Variants in PIEZO1 observed in about 807,000 individuals in gnomAD.
The protein encoded by PIEZO1 is piezo type mechanosensitive ion channel component 1 (Er blood group), also known as piezo-type mechanosensitive ion channel component 1.
A neutral mutation model predicts 297.2 loss-of-function variants in PIEZO1; 296 were observed. The ratio of observed to expected loss-of-function variants is 1.00; its 90% CI spans 0.91 to 1.10. The LOEUF (loss-of-function observed/expected upper bound fraction) is 1.10. PIEZO1 is among the 50% of genes least tolerant of loss of function. PIEZO1 has a pLI of 0.00. For missense variants in PIEZO1, 5,018 were observed against 3,455.5 expected (o/e 1.45, Z -11.34); for synonymous variants, 2,427 against 1,507.5 (o/e 1.61, Z -14.13).
At chr16:88,726,073 C>T (rs1051085321) in intron 27 of PIEZO1, 2 of 589,876 alleles carry the variant, frequency 3.4e-6, no homozygotes, top group Non-Finnish European at 6.0e-6. Flanking sequence ...AGCACTGCAG[C>T]CTGTGGTCTC....
chr16:88,768,363 T>G (rs1907269718), intron 1 of PIEZO1, among the ~76,000 whole-genome samples: 1 of 152,064 alleles, frequency 6.6e-6, no homozygotes, highest in Non-Finnish European at 1.5e-5. Flanking sequence ...AAGTGGCCAC[T>G]TAAGAGCAGA....
chr16:88,721,853 C>A lies in PIEZO1; in HGVS notation c.5169G>T (p.Pro1723=). ...TCATCCAGAAGCGCTTGCTGGGCCT[C>A]GGGATCGACAGCATGGCCCACAGGA... ...LVFLWAMLSI[P]RPSKRFWMTA... is the part of the protein sequence containing the mutation. The change falls in exon 37 of 51, where the codon CCG becomes CCT. Residue 1723 remains proline (P), a synonymous_variant. Transcript: ENST00000301015. The A allele has an allele frequency of 6.5e-7, 1 of 1,549,552 alleles. No homozygotes were observed. The highest frequency in any genetic ancestry group is 8.7e-7 in the Non-Finnish European group (1 of 1,146,724).
At position 88,778,565 on chromosome 16, in the gene PIEZO1, G is replaced by A. The variant is rs547735640; in HGVS notation, c.64+6336C>T. 1.6e-3 allele frequency among the ~76,000 whole-genome samples: 238 copies of A among 152,256 alleles called. 4 individuals are homozygous for A. Among genetic ancestry groups the A allele is most frequent in the Admixed American group, 0.015 (237 of 15,298 alleles). On this transcript the variant is annotated intron_variant, in intron 1 of 50. Coordinates refer to ENST00000301015, the MANE Select transcript of PIEZO1 (RefSeq NM_001142864.4). ...GGGGAATCGGGTGGCCACGCACGTC[G>A]GCCTAAGGGGCCCTGGCAGCGCCCG... is the stretch of plus-strand genomic sequence containing the variant.
intron 1 of PIEZO1, among the ~76,000 whole-genome samples, chr16:88,765,758 C>G (rs533753260): frequency 1.1e-3 from 160 of 151,438 alleles, no homozygotes; most frequent in African/African-American, 3.7e-3. Context: ...ACTACAACCT[C>G]TACCTCCTGG....
chr16:88,734,116 T>G, intron 16 of PIEZO1, 62 bp from the exon 17 acceptor site: 1 of 1,464,228 alleles, frequency 6.8e-7, no homozygotes, highest in Non-Finnish European at 9.1e-7. Flanking sequence ...TTCCTGGGGC[T>G]GGAAGAAGCC....
intron 12 of PIEZO1, among the ~76,000 whole-genome samples, chr16:88,735,715 G>A (rs981163459): frequency 6.6e-6 from 1 of 152,284 alleles, no homozygotes; most frequent in Non-Finnish European, 1.5e-5. Flanking sequence ...TGGACACGCA[G>A]GCACCCTGTG....
intron 1 of PIEZO1, among the ~76,000 whole-genome samples, chr16:88,781,860 G>A (rs1907953141): frequency 6.6e-6 from 1 of 152,272 alleles, no homozygotes; most frequent in Non-Finnish European, 1.5e-5. Context: ...CATGCTAAAT[G>A]GTGACACTTC....
At chr16:88,726,075 T>G in intron 27 of PIEZO1, 1 of 589,736 alleles carries the variant, frequency 1.7e-6, no homozygotes, top group Non-Finnish European at 3.0e-6. Context: ...CACTGCAGCC[T>G]GTGGTCTCTG....
intron 22 of PIEZO1, among the ~76,000 whole-genome samples, chr16:88,728,016 C>T (rs998334540): frequency 6.6e-6 from 1 of 152,242 alleles, no homozygotes; most frequent in African/African-American, 2.4e-5. Flanking sequence ...GCACGGACGC[C>T]TGCAGCCAGG....
In PIEZO1 at chr16:88,721,661, C is replaced by T. The variant is rs375185233; in HGVS notation, c.5280G>A (p.Leu1760=). The change falls in exon 38 of 51, where the codon CTG becomes CTA. Residue 1760 remains leucine (L), a synonymous_variant. Transcript: ENST00000301015. ...AGTAGGGCTTGTTCTCGTAGCGCCG[C>T]AGCACCACGTGGCTGTTCCAGGGGA... is the stretch of plus-strand genomic sequence containing the variant. The part of the protein sequence containing the change: ...GFFPWNSHVV[L]RRYENKPYFP... 6.5e-7 allele frequency: 1 copy of T among 1,550,002 alleles called. No homozygotes were observed. The highest frequency in any genetic ancestry group is 1.4e-5 in the African/African-American group (1 of 73,034).
At chr16:88,745,901 G>C (rs11642389) in intron 2 of PIEZO1, among the ~76,000 whole-genome samples, 1 of 151,964 alleles carries the variant, frequency 6.6e-6, no homozygotes, top group African/African-American at 2.4e-5. Context: ...CTTGGACCCC[G>C]GCACGGCCTG....
At position 88,742,061 on chromosome 16, in the gene PIEZO1, C is replaced by T. The variant is rs1256646208; in HGVS notation, c.318G>A (p.Gly106=). ...SRWETLSRHI[G]VTRLDLKDIP... ...GGGAGGAATGGTCTTACCTTGTGACCCCTATGTGTCGCGAGAGGGTCTCCC... is the reference window on the plus strand; with the variant it reads ...GGGAGGAATGGTCTTACCTTGTGACTCCTATGTGTCGCGAGAGGGTCTCCC... The change falls in exon 4 of 51, where the codon GGG becomes GGA. Residue 106 remains glycine, a synonymous_variant. Transcript: ENST00000301015. 1 of 1,536,080 alleles carries T rather than the reference C, an allele frequency of 6.5e-7. No individual in the cohort carries two copies. Among genetic ancestry groups the T allele is most frequent in the Non-Finnish European group, 8.7e-7 (1 of 1,146,762 alleles).
At chr16:88,756,540 G>A (rs1047079263) in intron 1 of PIEZO1, among the ~76,000 whole-genome samples, 1 of 150,118 alleles carries the variant, frequency 6.7e-6, no homozygotes, top group African/African-American at 2.5e-5. Context: ...GATGGCTCAA[G>A]CCCGCCATCT....
chr16:88,727,124 A>G lies in PIEZO1; in HGVS notation c.3370T>C (p.Trp1124Arg). The change falls in exon 24 of 51, where the codon TGG becomes CGG. Residue 1124 changes from tryptophan (W) to arginine (R), a missense_variant. Physicochemically the swap from Trp to Arg is moderately radical, Grantham distance 101. Transcript: ENST00000301015. Reference protein sequence around the residue: ...QVFSAERTEEWQRMAGVNTDR... With the variant: ...QVFSAERTEERQRMAGVNTDR... ...GTGTTGACGCCAGCCATGCGCTGCC[A>G]CTCCTCTGTGCGCTCAGCTGAGAAC... is the stretch of plus-strand genomic sequence containing the variant. The G allele has an allele frequency of 6.5e-7, 1 of 1,549,754 alleles. No individual in the cohort carries two copies. The highest frequency in any genetic ancestry group is 8.7e-7 in the Non-Finnish European group (1 of 1,146,658).
intron 1 of PIEZO1, among the ~76,000 whole-genome samples, chr16:88,771,587 G>T (rs1207053195): frequency 2.0e-5 from 3 of 152,242 alleles, no homozygotes; most frequent in African/African-American, 7.2e-5. Context: ...AGTGCCCTAT[G>T]ACAGTGTCCA....
At chr16:88,757,779 A>G (rs1906746814) in intron 1 of PIEZO1, among the ~76,000 whole-genome samples, 1 of 152,140 alleles carries the variant, frequency 6.6e-6, no homozygotes, top group South Asian at 2.1e-4. Flanking sequence ...TAAGGGTGGC[A>G]CCATCCCACC....
intron 39 of PIEZO1, 46 bp downstream of exon 39, chr16:88,721,120 T>C (rs776734048): frequency 1.4e-6 from 2 of 1,447,276 alleles, no homozygotes; most frequent in Non-Finnish European, 9.1e-7. Context: ...GTAGCCCCAC[T>C]CAGAAAACTG....
rs753296407 is a variant in PIEZO1 at position 88,720,640 on chromosome 16, C to T, written c.5777G>A (p.Arg1926Gln). 56 of 1,546,914 alleles carry T rather than the reference C, an allele frequency of 3.6e-5. No individual in the cohort carries two copies. The highest frequency in any genetic ancestry group is 4.8e-5 in the South Asian group (4 of 83,934). Residue 1926 changes from arginine (R) to glutamine (Q), a missense_variant, in exon 40 of 51, where the codon CGG (arginine) becomes CAG (glutamine). By Grantham distance (43) the Arg-to-Gln change is conservative (BLOSUM62 1). Coordinates refer to ENST00000301015, the MANE Select transcript of PIEZO1 (RefSeq NM_001142864.4). The part of the protein sequence containing the change: ...SGGRVRAAGR[R>Q]LQGFCLSLAQ... ...CAGGGACAGGCAGAAGCCCTGCAGC[C>T]GCCGCCCGGCCGCCCTTACTCTTCC...
chr16:88,753,687 C>A (rs1906512842), intron 1 of PIEZO1, among the ~76,000 whole-genome samples: 2 of 152,326 alleles, frequency 1.3e-5, no homozygotes, highest in South Asian at 4.1e-4. Context: ...TCGAAACACT[C>A]CTTGGATCTA....
Sources: allele counts gnomAD v4.1 joint callset (sites outside exome capture counted in the v4.1 genomes callset), GRCh38; gene constraint gnomAD v4.1.1; transcripts MANE v1.5; gene names NCBI Gene and HGNC (gene_info 2026-07-23, HGNC 2026-07-21).